The following DNAJC5B variants were observed in gnomAD, a reference collection of about 807,000 sequenced individuals.
DNAJC5B encodes DnaJ heat shock protein family (Hsp40) member C5 beta, also known as dnaJ homolog subfamily C member 5B.
In DNAJC5B, 23 loss-of-function variants were observed where a neutral mutation model predicts 24.7. The observed-to-expected ratio is 0.93, with a 90% CI of 0.67 to 1.32. The LOEUF is 1.32. Among genes scored for constraint, DNAJC5B ranks in the 40% most tolerant of loss-of-function variants. The probability of loss-of-function intolerance (pLI) is 0.00; values close to 1 mark genes in which losing one functional copy is unlikely to be tolerated. For synonymous variants in DNAJC5B, 101 were observed against 90.1 expected, an observed-to-expected ratio of 1.12 and a Z score of -0.68; for missense variants, 238 against 240.8, an observed-to-expected ratio of 0.99 and a Z score of 0.08.
chr8:66,062,779 A>G (rs775082101), intron 3 of DNAJC5B, among the ~76,000 whole-genome samples: 4 of 152,174 alleles, frequency 2.6e-5, no homozygotes, highest in Non-Finnish European at 5.9e-5. Context: ...GTGAGCTATA[A>G]TCATGCCACT....
Position 66,065,816 on chromosome 8 carries a change from G to T in DNAJC5B, c.120-10844G>T, listed in dbSNP as rs184986664. Among the ~76,000 whole-genome samples the T allele has an allele frequency of 3.4e-3, 516 of 152,278 alleles. 1 individual carries two copies. Among genetic ancestry groups the T allele is most frequent in the Non-Finnish European group, 6.2e-3 (422 of 68,022 alleles). On this transcript the variant is annotated intron_variant, in intron 3 of 5. Coordinates refer to ENST00000276570, the MANE Select transcript of DNAJC5B (RefSeq NM_033105.6). ...TGAAGGGGCACCATCTGGGAGAGGA[G>T]GGTGAGGGAACTTCTAAGGAAGAGG...
chr8:66,033,700 A>G (rs908366273), intron 1 of DNAJC5B, among the ~76,000 whole-genome samples: 1 of 151,950 alleles, frequency 6.6e-6, no homozygotes, highest in African/African-American at 2.4e-5. Context: ...CCACAAGGAA[A>G]CACAATTGGT....
At chr8:66,034,986 T>C (rs1215582293) in intron 1 of DNAJC5B, among the ~76,000 whole-genome samples, 1 of 152,212 alleles carries the variant, frequency 6.6e-6, no homozygotes, top group African/African-American at 2.4e-5. Context: ...AAATATGCAT[T>C]AAAAACTGTG....
intron 1 of DNAJC5B, among the ~76,000 whole-genome samples, chr8:66,032,302 C>G (rs1806376452): frequency 6.6e-6 from 1 of 152,234 alleles, no homozygotes; most frequent in East Asian, 1.9e-4. Context: ...AGGGCAGCAG[C>G]AGGGCAGGCA....
At chr8:66,070,567 A>G (rs559785729) in intron 3 of DNAJC5B, among the ~76,000 whole-genome samples, 208 of 152,354 alleles carry the variant, frequency 1.4e-3, no homozygotes, top group South Asian at 2.3e-3. Flanking sequence ...ACACAAATGG[A>G]AAAACATTCC....
chr8:66,086,528 A>G (rs945140214), intron 5 of DNAJC5B, among the ~76,000 whole-genome samples: 1 of 152,190 alleles, frequency 6.6e-6, no homozygotes, highest in Non-Finnish European at 1.5e-5. Context: ...TTACATTTAC[A>G]TTAAAAAATC....
intron 1 of DNAJC5B, among the ~76,000 whole-genome samples, chr8:66,027,950 G>A (rs1806281760): frequency 6.6e-6 from 1 of 152,220 alleles, no homozygotes; most frequent in Non-Finnish European, 1.5e-5. Context: ...ACATAAGTTG[G>A]GCTCTTTAAG....
At chr8:66,059,902 G>C (rs1807044251) in intron 3 of DNAJC5B, among the ~76,000 whole-genome samples, 1 of 152,216 alleles carries the variant, frequency 6.6e-6, no homozygotes. Context: ...GGTGCTCCTT[G>C]CCAACCTCTC....
At chr8:66,045,759 G>T (rs1295372945) in intron 2 of DNAJC5B, among the ~76,000 whole-genome samples, 1 of 152,108 alleles carries the variant, frequency 6.6e-6, no homozygotes, top group Admixed American at 6.5e-5. Flanking sequence ...CATCCTCAAA[G>T]GGCACCAGAG....
intron 3 of DNAJC5B, 103 bp from the exon 4 acceptor site, chr8:66,076,557 T>G: frequency 1.7e-6 from 2 of 1,205,572 alleles, no homozygotes; most frequent in South Asian, 2.6e-5. Context: ...TTCACAGTAT[T>G]TGCGCTAATA....
rs566462139 is a variant in DNAJC5B at position 66,036,526 on chromosome 8, G to A, written c.-141-6962G>A. Among the ~76,000 whole-genome samples, 11 of 152,250 alleles carry A rather than the reference G, an allele frequency of 7.2e-5. No individual in the cohort carries two copies. The East Asian group carries it at 1.9e-3, about 27-fold the overall frequency. ...TCTCCAGACATGACCTGCCCCACCCGGATATTTCCAGGAGTGTTTTCCTCG... is the reference window on the plus strand; with the variant it reads ...TCTCCAGACATGACCTGCCCCACCCAGATATTTCCAGGAGTGTTTTCCTCG... On this transcript the variant is annotated intron_variant, in intron 1 of 5. Coordinates refer to ENST00000276570, the MANE Select transcript of DNAJC5B (RefSeq NM_033105.6).
intron 5 of DNAJC5B, among the ~76,000 whole-genome samples, chr8:66,088,061 T>G (rs1278249837): frequency 6.6e-6 from 1 of 152,224 alleles, no homozygotes; most frequent in Non-Finnish European, 1.5e-5. Flanking sequence ...GCTTTACCCC[T>G]GCAGTAGACT....
chr8:66,037,677 G>A (rs1416396391), intron 1 of DNAJC5B, among the ~76,000 whole-genome samples: 1 of 152,224 alleles, frequency 6.6e-6, no homozygotes, highest in African/African-American at 2.4e-5. Flanking sequence ...CAGAGAGCAA[G>A]GCTGTTCTTA....
chr8:66,100,080 T>C lies in DNAJC5B; in HGVS notation c.*49T>C. On this transcript the variant is annotated 3_prime_UTR_variant, in exon 6 of 6. Coordinates refer to ENST00000276570, the MANE Select transcript of DNAJC5B (RefSeq NM_033105.6). ...AGTCCCTCCTCTCAGTTCAGTCTTGTCTCCAGATGGTCGTAGGGGAGCGTG... is the reference window on the plus strand; with the variant it reads ...AGTCCCTCCTCTCAGTTCAGTCTTGCCTCCAGATGGTCGTAGGGGAGCGTG... 3.2e-6 allele frequency: 5 copies of C among 1,548,686 alleles called. No individual in the cohort carries two copies. Among genetic ancestry groups the C allele is most frequent in the Non-Finnish European group, 4.4e-6 (5 of 1,127,066 alleles).
intron 1 of DNAJC5B, among the ~76,000 whole-genome samples, chr8:66,029,975 T>G (rs1287403034): frequency 6.6e-6 from 1 of 152,242 alleles, no homozygotes; most frequent in Non-Finnish European, 1.5e-5. Flanking sequence ...CCAGGGCAAC[T>G]AGTTATTCAA....
chr8:66,099,684 G>A (rs561300538), intron 5 of DNAJC5B, among the ~76,000 whole-genome samples: 39 of 152,176 alleles, frequency 2.6e-4, no homozygotes, highest in Non-Finnish European at 5.4e-4. Context: ...AGTTCACCAG[G>A]TTCAGCAAGT....
intron 2 of DNAJC5B, among the ~76,000 whole-genome samples, chr8:66,047,383 C>T (rs1464077387): frequency 2.0e-5 from 3 of 152,178 alleles, no homozygotes; most frequent in East Asian, 1.9e-4. Context: ...CTGTCAGTTA[C>T]GATTATGCAG....
intron 5 of DNAJC5B, among the ~76,000 whole-genome samples, chr8:66,091,821 T>C (rs1053676909): frequency 6.6e-6 from 1 of 152,072 alleles, no homozygotes; most frequent in Non-Finnish European, 1.5e-5. Flanking sequence ...GAAATATTAT[T>C]CAGCCGTAAA....
chr8:66,034,520 G>A (rs978401638), intron 1 of DNAJC5B, among the ~76,000 whole-genome samples: 1 of 151,978 alleles, frequency 6.6e-6, no homozygotes, highest in African/African-American at 2.4e-5. Context: ...GGGGAGCTCG[G>A]AGGTATCAGA....
Sources: allele counts gnomAD v4.1 joint callset (sites outside exome capture counted in the v4.1 genomes callset), GRCh38; gene constraint gnomAD v4.1.1; transcripts MANE v1.5; gene names NCBI Gene and HGNC (gene_info 2026-07-23, HGNC 2026-07-21).